Variants in ADPGK observed in about 807,000 individuals in gnomAD.
The protein encoded by ADPGK is ADP dependent glucokinase, also known as ADP-dependent glucokinase.
Under a neutral mutation model 42.4 loss-of-function variants are expected in ADPGK, and 26 were observed. The ratio of observed to expected loss-of-function variants is 0.61; its 90% CI spans 0.45 to 0.85. The LOEUF (loss-of-function observed/expected upper bound fraction) is 0.85, where lower values mean the gene tolerates loss of function less well. Ranked by LOEUF, ADPGK falls within the 40% of genes least tolerant of loss-of-function variation. The pLI is 0.00. For synonymous variants in ADPGK, 267 were observed against 252.6 expected (o/e 1.06, Z -0.54); for missense variants, 571 against 627.0 (o/e 0.91, Z 0.95).
chr15:72,775,233 A>C, intron 1 of ADPGK, 136 bp from the exon 2 acceptor site: 1 of 691,064 alleles, frequency 1.4e-6, no homozygotes, highest in Admixed American at 2.4e-5. Context: ...TGAATTGGGA[A>C]GTAAACAGCA....
chr15:72,774,992 A>T lies in ADPGK; in HGVS notation c.339T>A (p.Asn113Lys), dbSNP rs758537320. 15 of 1,614,074 alleles carry T rather than the reference A, an allele frequency of 9.3e-6. No individual in the cohort carries two copies. The highest frequency in any genetic ancestry group is 1.6e-4 in the Middle Eastern group (1 of 6,084). The change falls in exon 2 of 7, where the codon AAT (asparagine) becomes AAA (lysine). Residue 113 changes from asparagine (N) to lysine (K), a missense_variant. Asn to Lys is a moderately conservative substitution (Grantham distance 94). This residue lies in a region of ADPGK where 434 missense variants were observed against 522.7 expected (regional missense o/e 0.83). Coordinates refer to ENST00000456471, the MANE Select transcript of ADPGK (RefSeq NM_001365225.1). ...AGTGAATGAAGGCTTCTTCCAGATC[A>T]TTCCTTGAATGCAGAATGCTGTGAT... ...GKDHSILHSR[N>K]DLEEAFIHFM...
At chr15:72,766,628 C>T (rs1460989027) in intron 3 of ADPGK, among the ~76,000 whole-genome samples, 1 of 152,146 alleles carries the variant, frequency 6.6e-6, no homozygotes, top group Non-Finnish European at 1.5e-5. Context: ...TTTTAATGCA[C>T]TGGGAAACAA....
intron 4 of ADPGK, among the ~76,000 whole-genome samples, chr15:72,758,825 T>C (rs2151073779): frequency 6.6e-6 from 1 of 152,334 alleles, no homozygotes; most frequent in South Asian, 2.1e-4. Flanking sequence ...GTTCCTGCTG[T>C]GGGTGCCAAA....
At chr15:72,756,487 A>G (rs1240864448) in intron 4 of ADPGK, 40 bp from the exon 5 acceptor site, 2 of 1,608,268 alleles carry the variant, frequency 1.2e-6, no homozygotes, top group Non-Finnish European at 1.7e-6. Context: ...GAAAAGGAAG[A>G]GGCTTTAGGT....
intron 3 of ADPGK, among the ~76,000 whole-genome samples, chr15:72,760,822 C>T (rs983995302): frequency 2.0e-5 from 3 of 152,084 alleles, no homozygotes; most frequent in East Asian, 1.9e-4. Context: ...CCCTCTGCTG[C>T]GGACTGCACG....
intron 3 of ADPGK, among the ~76,000 whole-genome samples, chr15:72,762,568 C>A (rs1473777949): frequency 6.6e-6 from 1 of 152,156 alleles, no homozygotes; most frequent in Non-Finnish European, 1.5e-5. Flanking sequence ...GATGAGACAA[C>A]AAGGGCCATA....
chr15:72,775,912 A>G (rs2066386980), intron 1 of ADPGK, among the ~76,000 whole-genome samples: 1 of 152,200 alleles, frequency 6.6e-6, no homozygotes, highest in Non-Finnish European at 1.5e-5. Flanking sequence ...GAATATTTAC[A>G]TATACATGAG....
chr15:72,755,407 TG>T, intron 6 of ADPGK, 148 bp downstream of exon 6: 1 of 601,222 alleles, frequency 1.7e-6, no homozygotes, highest in Non-Finnish European at 3.0e-6. Flanking sequence ...GATCCTTATT[TG>T]GATCTCCATG....
intron 1 of ADPGK, among the ~76,000 whole-genome samples, chr15:72,782,527 CAAAA>C (rs5813692): frequency 1.6e-5 from 1 of 61,284 alleles, no homozygotes; most frequent in Non-Finnish European, 2.8e-5. Flanking sequence ...ACCCTGTGTC[CAAAA>C]AAAAAAAAAA....
chr15:72,772,079 G>A (rs2066335635), intron 2 of ADPGK, among the ~76,000 whole-genome samples: 1 of 152,186 alleles, frequency 6.6e-6, no homozygotes, highest in African/African-American at 2.4e-5. Flanking sequence ...TGCTTTAACT[G>A]TTGATCAAAT....
chr15:72,754,948 G>A (rs529650901), intron 6 of ADPGK, among the ~76,000 whole-genome samples: 31 of 152,278 alleles, frequency 2.0e-4, no homozygotes, highest in African/African-American at 6.5e-4. Flanking sequence ...GGAAGTAGAA[G>A]GGAGACTTCA....
intron 5 of ADPGK, 166 bp downstream of exon 5, chr15:72,756,085 T>C (rs1567446410): frequency 2.6e-6 from 2 of 779,414 alleles, no homozygotes; most frequent in Non-Finnish European, 4.4e-6. Context: ...TCTGAAGGGA[T>C]ACAGTGAGGT....
chr15:72,758,273 C>G, intron 4 of ADPGK: 1 of 775,350 alleles, frequency 1.3e-6, no homozygotes, highest in Non-Finnish European at 2.3e-6. Context: ...TCTTTCCTCA[C>G]AAAGTGTTGT....
At chr15:72,780,876 T>C (rs1176854873) in intron 1 of ADPGK, among the ~76,000 whole-genome samples, 1 of 152,178 alleles carries the variant, frequency 6.6e-6, no homozygotes, top group Non-Finnish European at 1.5e-5. Context: ...ATTATTCAGG[T>C]TATCTCTCAA....
At position 72,752,227 on chromosome 15, in the gene ADPGK, T is replaced by C. The variant is rs577419745; in HGVS notation, c.*114A>G. Reference sequence around the variant, plus strand: ...AGTTGCCAACAGGCTGGAATGTACCTGATACAGTTTAATCTGCTTTTATTT... The same window carrying C: ...AGTTGCCAACAGGCTGGAATGTACCCGATACAGTTTAATCTGCTTTTATTT... On this transcript the variant is annotated 3_prime_UTR_variant, in exon 7 of 7. Transcript: ENST00000456471. The C allele has an allele frequency of 1.6e-4, 170 of 1,052,214 alleles. No individual in the cohort carries two copies. The highest frequency in any genetic ancestry group is 1.7e-4 in the Non-Finnish European group (129 of 744,616). The allele number at this position is 1,052,214 out of a possible 1,614,324, so 65.2% of individuals were successfully genotyped here. A position where few individuals can be genotyped will look rare whatever the true frequency, so the allele number is the denominator to read the frequency against.
Position 72,752,873 on chromosome 15 carries a change from G to C in ADPGK, c.962C>G (p.Ser321Cys). ...CAGCTCCTGTTCATTCAGCCCAAGG[G>C]AAGTCACCGCGGGAAAGACCTGCTA... The part of the protein sequence containing the change: ...VHQQVFPAVT[S>C]LGLNEQELLF... Residue 321 changes from serine to cysteine, a missense_variant, in exon 7 of 7, where the codon TCC becomes TGC. By Grantham distance (112) the Ser-to-Cys change is moderately radical (BLOSUM62 -1). This residue lies in a region of ADPGK where 434 missense variants were observed against 522.7 expected (regional missense o/e 0.83). Coordinates refer to ENST00000456471, the MANE Select transcript of ADPGK (RefSeq NM_001365225.1). The C allele has an allele frequency of 6.2e-7, 1 of 1,613,394 alleles. No individual in the cohort carries two copies. Among genetic ancestry groups the C allele is most frequent in the South Asian group, 1.1e-5 (1 of 91,048 alleles).
chr15:72,775,648 G>A (rs945292006), intron 1 of ADPGK, among the ~76,000 whole-genome samples: 4 of 152,206 alleles, frequency 2.6e-5, no homozygotes, highest in Admixed American at 2.6e-4. Context: ...AAAAACAAAT[G>A]AGGATGGTAA....
At chr15:72,769,117 T>C (rs1170294667) in intron 3 of ADPGK, among the ~76,000 whole-genome samples, 1 of 152,116 alleles carries the variant, frequency 6.6e-6, no homozygotes, top group East Asian at 1.9e-4. Context: ...GATGTAAAAA[T>C]TTTAAACACA....
Position 72,752,438 on chromosome 15 carries a change from G to C in ADPGK, c.1397C>G (p.Pro466Arg). ...HREGISFHFT[P>R]VLVCKDPIRT... is the part of the protein sequence containing the mutation. ...AATGGGGTCTTTACACACCAATACT[G>C]GTGTGAAGTGGAAGGATATTCCCTC... The change falls in exon 7 of 7, where the codon CCA (proline) becomes CGA (arginine). Residue 466 changes from proline (P) to arginine (R), a missense_variant. Physicochemically the swap from Pro to Arg is moderately radical, Grantham distance 103 (BLOSUM62 -2). Around this residue, in one of 2 missense-constraint regions of ADPGK, gnomAD observed 434 missense variants for 522.7 expected, o/e 0.83. Transcript: ENST00000456471. 6.2e-7 allele frequency: 1 copy of C among 1,614,230 alleles called. No individual in the cohort carries two copies. Among genetic ancestry groups the C allele is most frequent in the Non-Finnish European group, 8.5e-7 (1 of 1,180,046 alleles).
Sources: allele counts gnomAD v4.1 joint callset (sites outside exome capture counted in the v4.1 genomes callset), GRCh38; gene constraint gnomAD v4.1.1; regional missense constraint gnomAD v4.1.1; transcripts MANE v1.5; gene names NCBI Gene and HGNC (gene_info 2026-07-23, HGNC 2026-07-21).